PSMA5: variants seen among roughly 807,000 people sequenced by gnomAD.
PSMA5 encodes the protein proteasome 20S subunit alpha 5.
In PSMA5, 3 loss-of-function variants were observed where a neutral mutation model predicts 34.5. The ratio of observed to expected loss-of-function variants is 0.09; its 90% CI spans 0.04 to 0.22. The LOEUF (loss-of-function observed/expected upper bound fraction) is 0.22. Ranked by LOEUF, PSMA5 falls within the 10% of genes least tolerant of loss-of-function variation. The pLI, the probability that PSMA5 is intolerant of heterozygous loss-of-function variation, is 1.00. For synonymous variants in PSMA5, 88 were observed against 95.8 expected (o/e 0.92, Z 0.47); for missense variants, 120 against 286.1 (o/e 0.42, Z 4.19).
At chr1:109,423,909 A>G (rs1654544249) in intron 1 of PSMA5, among the ~76,000 whole-genome samples, 1 of 152,236 alleles carries the variant, frequency 6.6e-6, no homozygotes. Context: ...AGTTGCCTAC[A>G]GAAATAGGAC....
In PSMA5 at chr1:109,400,339, C is replaced by T. The variant is rs188625234; in HGVS notation, c.*1674G>A. ...AAGGAATATTGTTTATTGTTTGGCTCTCCCCACTAGAAGTTTCACAGGAGC... is the reference window on the plus strand; with the variant it reads ...AAGGAATATTGTTTATTGTTTGGCTTTCCCCACTAGAAGTTTCACAGGAGC... On this transcript the variant is annotated 3_prime_UTR_variant, in exon 9 of 9. Transcript: ENST00000271308. The T allele has an allele frequency of 1.3e-5, 2 of 152,192 alleles. No homozygotes were observed. Among genetic ancestry groups the T allele is most frequent in the South Asian group, 2.1e-4 (1 of 4,832 alleles). 9.4% of individuals were successfully genotyped at this position (152,192 alleles called of 1,614,324 possible). A position where few individuals can be genotyped will look rare whatever the true frequency, so the allele number is the denominator to read the frequency against.
chr1:109,421,462 C>CAAA (rs947075141), intron 2 of PSMA5, among the ~76,000 whole-genome samples: 2 of 73,714 alleles, frequency 2.7e-5, no homozygotes, highest in Non-Finnish European at 5.9e-5. Context: ...GACTCCATCT[C>CAAA]AAAAAAAAAA....
chr1:109,417,827 CAAAT>C (rs1344158694), intron 2 of PSMA5, among the ~76,000 whole-genome samples: 6 of 152,060 alleles, frequency 3.9e-5, no homozygotes, highest in Non-Finnish European at 8.8e-5. Flanking sequence ...CTAAAACCCA[CAAAT>C]AAATATAAAT....
chr1:109,426,243 G>A, intron 1 of PSMA5, 59 bp downstream of exon 1: 2 of 1,604,364 alleles, frequency 1.2e-6, no homozygotes, highest in Non-Finnish European at 1.7e-6. Context: ...AGGCCGCGCG[G>A]CCAGGTCCCG....
chr1:109,415,505 A>C, intron 2 of PSMA5, 142 bp from the exon 3 acceptor site: 2 of 687,958 alleles, frequency 2.9e-6, no homozygotes, highest in Non-Finnish European at 4.3e-6. Flanking sequence ...GCACCCTAAC[A>C]TACTGTAAGT....
In PSMA5 at chr1:109,399,475, A is replaced by G. The variant is rs1419838194; in HGVS notation, c.*2538T>C. ...GGGGAGGAAAGGGGGTTATAAAGGA[A>G]TATTTCTTTGTTTGGGTGACACAAA... On this transcript the variant is annotated 3_prime_UTR_variant, in exon 9 of 9. Coordinates refer to ENST00000271308, the MANE Select transcript of PSMA5 (RefSeq NM_002790.4). 3 of 152,188 alleles carry G rather than the reference A, an allele frequency of 2.0e-5. No individual in the cohort carries two copies. The highest frequency in any genetic ancestry group is 7.2e-5 in the African/African-American group (3 of 41,422). 9.4% of individuals were successfully genotyped at this position (152,188 alleles called of 1,614,324 possible).
intron 2 of PSMA5, among the ~76,000 whole-genome samples, chr1:109,420,356 T>C (rs1377242440): frequency 6.6e-6 from 1 of 152,038 alleles, no homozygotes; most frequent in Non-Finnish European, 1.5e-5. Context: ...TAATGAAAAG[T>C]CCATGGATAA....
At chr1:109,404,485 G>T (rs1653666682) in intron 8 of PSMA5, among the ~76,000 whole-genome samples, 1 of 152,022 alleles carries the variant, frequency 6.6e-6, no homozygotes. Context: ...CATTACAGGG[G>T]CTAAAAAGCA....
At chr1:109,423,043 T>C (rs1010871648) in intron 1 of PSMA5, among the ~76,000 whole-genome samples, 1 of 152,226 alleles carries the variant, frequency 6.6e-6, no homozygotes, top group Admixed American at 6.5e-5. Flanking sequence ...TATAAAAGCT[T>C]TGAGCACACA....
chr1:109,410,933 T>G, intron 7 of PSMA5, 78 bp downstream of exon 7: 1 of 1,123,334 alleles, frequency 8.9e-7, no homozygotes, highest in Non-Finnish European at 1.3e-6. Flanking sequence ...AACTGAACTC[T>G]TAAGGTTTGC....
chr1:109,406,957 TAAAA>T (rs1250779968), intron 8 of PSMA5, among the ~76,000 whole-genome samples: 1 of 152,176 alleles, frequency 6.6e-6, no homozygotes, highest in Non-Finnish European at 1.5e-5. Context: ...AAGATTTTCT[TAAAA>T]AGAAAGATGT....
At chr1:109,419,131 C>A (rs1654335746) in intron 2 of PSMA5, among the ~76,000 whole-genome samples, 1 of 152,048 alleles carries the variant, frequency 6.6e-6, no homozygotes, top group Non-Finnish European at 1.5e-5. Context: ...CCAGCCTGGG[C>A]AACAAGAGCA....
intron 3 of PSMA5, chr1:109,414,709 T>C (rs1270523859): frequency 6.6e-6 from 1 of 152,276 alleles, no homozygotes; most frequent in African/African-American, 2.4e-5. Flanking sequence ...TTCAAGCAAT[T>C]AATTATTTTG....
chr1:109,410,126 T>C, intron 7 of PSMA5, 112 bp from the exon 8 acceptor site: 1 of 706,500 alleles, frequency 1.4e-6, no homozygotes, highest in Non-Finnish European at 2.5e-6. Flanking sequence ...ATGTCAAACA[T>C]CTTACTTAGT....
At chr1:109,408,969 G>C (rs1163750481) in intron 8 of PSMA5, among the ~76,000 whole-genome samples, 2 of 152,020 alleles carry the variant, frequency 1.3e-5, no homozygotes, top group Non-Finnish European at 2.9e-5. Flanking sequence ...GGGATTACAG[G>C]CCACTGCGCC....
At chr1:109,425,931 T>G in intron 1 of PSMA5, 2 of 280,098 alleles carry the variant, frequency 7.1e-6, no homozygotes, top group Non-Finnish European at 6.9e-6. Context: ...ACGTTTAACT[T>G]TTTGTTTGTT....
intron 1 of PSMA5, among the ~76,000 whole-genome samples, chr1:109,423,085 G>A (rs1254539226): frequency 1.3e-5 from 2 of 152,226 alleles, no homozygotes; most frequent in African/African-American, 2.4e-5. Context: ...ACAAATGAAT[G>A]AGATGGTTGC....
chr1:109,422,053 G>A (rs2100974511), intron 1 of PSMA5, 127 bp from the exon 2 acceptor site: 6 of 550,254 alleles, frequency 1.1e-5, no homozygotes, highest in South Asian at 3.7e-5. Flanking sequence ...TCTCTACTTC[G>A]CCCACAACAA....
chr1:109,410,858 T>C (rs113878053), intron 7 of PSMA5, among the ~76,000 whole-genome samples, 153 bp downstream of exon 7: 17 of 152,244 alleles, frequency 1.1e-4, no homozygotes, highest in East Asian at 3.9e-4. Context: ...GACTGGAATG[T>C]GGATGAGCAT....
Sources: allele counts gnomAD v4.1 joint callset (sites outside exome capture counted in the v4.1 genomes callset), GRCh38; gene constraint gnomAD v4.1.1; transcripts MANE v1.5; gene names NCBI Gene and HGNC (gene_info 2026-07-23, HGNC 2026-07-21).